The following KIAA1217 variants were observed in gnomAD, a reference collection of about 807,000 sequenced individuals.
KIAA1217 encodes KIAA1217.
KIAA1217 carries 88 observed loss-of-function variants against 163.9 expected under a neutral mutation model. That is an observed-to-expected ratio of 0.54 (90% confidence interval 0.45 to 0.64). The LOEUF is 0.64. Ranked by LOEUF, KIAA1217 falls within the 30% of genes least tolerant of loss-of-function variation. The pLI, the probability that KIAA1217 is intolerant of heterozygous loss-of-function variation, is 0.00. For synonymous variants in KIAA1217, 903 were observed against 923.1 expected, an observed-to-expected ratio of 0.98 and a Z score of 0.39; for missense variants, 2,372 against 2,475.0, an observed-to-expected ratio of 0.96 and a Z score of 0.88.
chr10:23,758,709 A>T (rs1834069072), intron 1 of KIAA1217, among the ~76,000 whole-genome samples: 1 of 51,512 alleles, frequency 1.9e-5, no homozygotes, highest in Non-Finnish European at 3.8e-5. Flanking sequence ...TTTTTGTTTC[A>T]GAATTTTGCT....
intron 2 of KIAA1217, among the ~76,000 whole-genome samples, chr10:24,287,303 G>A (rs1464735917): frequency 2.6e-5 from 4 of 152,100 alleles, no homozygotes; most frequent in Admixed American, 1.3e-4. Context: ...CACCCGCCTC[G>A]GCCTCCCAAA....
intron 2 of KIAA1217, among the ~76,000 whole-genome samples, chr10:24,113,759 G>A (rs2062945070): frequency 6.6e-6 from 1 of 152,198 alleles, no homozygotes; most frequent in Non-Finnish European, 1.5e-5. Flanking sequence ...GGAACTGGAA[G>A]CCCCTGCCAT....
chr10:23,880,235 G>A (rs1029617730), intron 1 of KIAA1217, among the ~76,000 whole-genome samples: 2 of 151,724 alleles, frequency 1.3e-5, no homozygotes, highest in East Asian at 2.0e-4. Flanking sequence ...AAGAAAATGT[G>A]GTATGTACAC....
intron 2 of KIAA1217, among the ~76,000 whole-genome samples, chr10:24,271,752 T>TA (rs111874088): frequency 3.5e-4 from 50 of 142,962 alleles, no homozygotes; most frequent in Middle Eastern, 3.5e-3. Flanking sequence ...GACCCTGTCT[T>TA]AAAAAAAAAA....
upstream of KIAA1217, among the ~76,000 whole-genome samples, chr10:24,208,178 C>A (rs1162179614): frequency 6.7e-6 from 1 of 150,342 alleles, no homozygotes; most frequent in Non-Finnish European, 1.5e-5. Flanking sequence ...GGGAACTCTG[C>A]CAGTTTTTCA....
At chr10:24,213,912 A>T (rs896436025) in intron 1 of KIAA1217, among the ~76,000 whole-genome samples, 5 of 152,144 alleles carry the variant, frequency 3.3e-5, no homozygotes, top group African/African-American at 1.2e-4. Flanking sequence ...TCACTTTGGG[A>T]TGCTGAGGCA....
At chr10:24,343,727 G>A (rs559930231) in intron 2 of KIAA1217, among the ~76,000 whole-genome samples, 3 of 152,234 alleles carry the variant, frequency 2.0e-5, no homozygotes, top group East Asian at 1.9e-4. Flanking sequence ...GCTTCCTTAC[G>A]TTGTAATATT....
chr10:24,479,034 C>G, intron 6 of KIAA1217, among the ~76,000 whole-genome samples: 1 of 152,164 alleles, frequency 6.6e-6, no homozygotes, highest in East Asian at 1.9e-4. Flanking sequence ...GACAAATTAG[C>G]ATAGAGTTAC....
rs778441188 is a variant in KIAA1217 at position 24,543,056 on chromosome 10, T to C, written c.3786T>C (p.Thr1262=). The change falls in exon 19 of 21, where the codon ACT becomes ACC. Residue 1262 remains threonine, a synonymous_variant. Coordinates refer to ENST00000376454, the MANE Select transcript of KIAA1217 (RefSeq NM_019590.5). The part of the protein sequence containing the change: ...LRDSRNYSQE[T]VPKASFGFSG... ...ACAGTAGAAACTATTCCCAGGAAAC[T>C]GTGCCTAAGGCCAGTTTCGGTTTCT... 3.1e-6 allele frequency: 5 copies of C among 1,613,892 alleles called. No individual in the cohort carries two copies. The South Asian group carries it at 5.5e-5, about 18-fold the overall frequency.
At chr10:24,299,289 T>C (rs1421520278) in intron 2 of KIAA1217, among the ~76,000 whole-genome samples, 1 of 152,224 alleles carries the variant, frequency 6.6e-6, no homozygotes, top group East Asian at 1.9e-4. Flanking sequence ...CTTGAATCAC[T>C]CTCTTCCTCT....
chr10:23,784,959 ATTTTG>A (rs1564417108), intron 1 of KIAA1217, among the ~76,000 whole-genome samples: 1 of 152,048 alleles, frequency 6.6e-6, no homozygotes, highest in Non-Finnish European at 1.5e-5. Context: ...CTTTTGAACA[ATTTTG>A]CTATCTCTGG....
intron 16 of KIAA1217, among the ~76,000 whole-genome samples, chr10:24,533,651 T>G (rs961261182): frequency 6.6e-6 from 1 of 152,220 alleles, no homozygotes; most frequent in African/African-American, 2.4e-5. Flanking sequence ...GCCACTGACC[T>G]TGGATCATGG....
chr10:23,876,184 A>G (rs988163791), intron 1 of KIAA1217, among the ~76,000 whole-genome samples: 1 of 151,988 alleles, frequency 6.6e-6, no homozygotes, highest in African/African-American at 2.4e-5. Context: ...TTGCAGCAAC[A>G]TGGATGCAGC....
At chr10:23,986,092 C>T (rs1305558047) in intron 1 of KIAA1217, among the ~76,000 whole-genome samples, 1 of 152,144 alleles carries the variant, frequency 6.6e-6, no homozygotes, top group African/African-American at 2.4e-5. Flanking sequence ...AGTTGATATC[C>T]CAGGATCATT....
intron 1 of KIAA1217, among the ~76,000 whole-genome samples, chr10:23,797,887 T>G (rs974382747): frequency 6.6e-6 from 1 of 152,170 alleles, no homozygotes; most frequent in African/African-American, 2.4e-5. Flanking sequence ...GAAGAACATC[T>G]GAACTTTCTA....
intron 3 of KIAA1217, among the ~76,000 whole-genome samples, chr10:24,404,371 C>T (rs7081339): frequency 2.0e-5 from 3 of 151,602 alleles, no homozygotes; most frequent in Non-Finnish European, 4.4e-5. Flanking sequence ...GATGGAGACC[C>T]TCCTGGCCAA....
At chr10:23,910,273 G>A (rs919244219) in intron 1 of KIAA1217, among the ~76,000 whole-genome samples, 1 of 151,644 alleles carries the variant, frequency 6.6e-6, no homozygotes, top group Non-Finnish European at 1.5e-5. Flanking sequence ...CATTCTGCAC[G>A]TGTACCCCAG....
chr10:24,154,672 C>T (rs2064794430), intron 2 of KIAA1217, among the ~76,000 whole-genome samples: 2 of 151,954 alleles, frequency 1.3e-5, no homozygotes, highest in South Asian at 4.1e-4. Flanking sequence ...GTCAGGAGTT[C>T]GAGACCTTCC....
chr10:24,096,253 C>T (rs1247718240), intron 2 of KIAA1217, among the ~76,000 whole-genome samples: 1 of 152,144 alleles, frequency 6.6e-6, no homozygotes, highest in Non-Finnish European at 1.5e-5. Flanking sequence ...CCTTAATCTC[C>T]CTCTTTGTCA....
Sources: allele counts gnomAD v4.1 joint callset (sites outside exome capture counted in the v4.1 genomes callset), GRCh38; gene constraint gnomAD v4.1.1; transcripts MANE v1.5; gene names NCBI Gene and HGNC (gene_info 2026-07-23, HGNC 2026-07-21).